HPSE2: variants seen among roughly 807,000 people sequenced by gnomAD.
HPSE2 encodes the protein inactive heparanase-2.
In HPSE2, 38 loss-of-function variants were observed where a neutral mutation model predicts 60.5. That is an observed-to-expected ratio of 0.63 (90% CI 0.48 to 0.82). The LOEUF (loss-of-function observed/expected upper bound fraction) is 0.82, where lower values mean the gene tolerates loss of function less well. HPSE2 is among the 40% of genes least tolerant of loss of function. The pLI is 0.00. For synonymous variants in HPSE2, 295 were observed against 293.2 expected (o/e 1.01, Z -0.06); for missense variants, 713 against 740.4 (o/e 0.96, Z 0.43).
In HPSE2 at chr10:98,593,358, C is replaced by A. The variant is rs112497474; in HGVS notation, c.1320+21546G>T. 4.3e-3 allele frequency among the ~76,000 whole-genome samples: 656 copies of A among 152,078 alleles called. 3 individuals carry two copies. Among genetic ancestry groups the A allele is most frequent in the African/African-American group, 0.015 (632 of 41,488 alleles). On this transcript the variant is annotated intron_variant, in intron 9 of 11. Transcript: ENST00000370552. ...GGACTGGCTCATTGGAATAAGATTC[C>A]AAAGGCAGCGAAAATCCAGATTATG...
chr10:98,923,910 T>C (rs901698544), intron 3 of HPSE2, among the ~76,000 whole-genome samples: 3 of 152,190 alleles, frequency 2.0e-5, no homozygotes, highest in Non-Finnish European at 2.9e-5. Context: ...CCCTGGTACC[T>C]CATTTAGTTC....
At chr10:99,094,568 T>C (rs1843652866) in intron 3 of HPSE2, among the ~76,000 whole-genome samples, 1 of 81,044 alleles carries the variant, frequency 1.2e-5, no homozygotes, top group African/African-American at 3.7e-5. Flanking sequence ...TTTTTTTTTT[T>C]TTTTCTGAGA....
At chr10:99,078,561 T>A (rs746653728) in intron 3 of HPSE2, among the ~76,000 whole-genome samples, 58 of 152,172 alleles carry the variant, frequency 3.8e-4, no homozygotes, top group Non-Finnish European at 7.8e-4. Context: ...TAAACATGCA[T>A]ATATTGCATG....
chr10:99,278,407 G>GGAA, the HPSE2 span, among the ~76,000 whole-genome samples: 4 of 151,906 alleles, frequency 2.6e-5, no homozygotes, highest in Non-Finnish European at 4.4e-5. Flanking sequence ...CCCTATCATT[G>GGAA]GCATGCAGCT....
chr10:98,731,232 T>C (rs1949219909), intron 4 of HPSE2, among the ~76,000 whole-genome samples: 1 of 152,152 alleles, frequency 6.6e-6, no homozygotes, highest in African/African-American at 2.4e-5. Flanking sequence ...TGAGCCGAGA[T>C]TGTGCCACTG....
intron 3 of HPSE2, among the ~76,000 whole-genome samples, chr10:98,948,016 A>T (rs1203326134): frequency 6.6e-6 from 1 of 152,158 alleles, no homozygotes; most frequent in Admixed American, 6.6e-5. Context: ...CACTCCCTAG[A>T]TCAAGGGGTC....
chr10:98,598,900 C>T (rs1945321629), intron 9 of HPSE2, among the ~76,000 whole-genome samples: 1 of 152,024 alleles, frequency 6.6e-6, no homozygotes, highest in African/African-American at 2.4e-5. Flanking sequence ...TGGCCTGAAG[C>T]CTGGGTCCAC....
At chr10:99,228,041 A>G (rs1354201903) in intron 2 of HPSE2, among the ~76,000 whole-genome samples, 1 of 152,010 alleles carries the variant, frequency 6.6e-6, no homozygotes, top group Non-Finnish European at 1.5e-5. Context: ...GTTTTGTGCA[A>G]ATAAGGAACA....
rs548971021 is a variant in HPSE2, at chr10:99,163,560, T to C, written c.449-19161A>G. On this transcript the variant is annotated intron_variant, in intron 2 of 11. Transcript: ENST00000370552. Reference sequence around the variant, plus strand: ...TACATTGGTTTATATTTTTATTGCATTTTATACAACCAAGGGAAATTATCA... The same window carrying C: ...TACATTGGTTTATATTTTTATTGCACTTTATACAACCAAGGGAAATTATCA... 3.3e-5 allele frequency among the ~76,000 whole-genome samples: 5 copies of C among 152,320 alleles called. No individual in the cohort carries two copies. In the South Asian group the frequency reaches 1.0e-3, roughly 32 times the overall value.
At chr10:98,564,514 T>C (rs1231143025) in intron 9 of HPSE2, among the ~76,000 whole-genome samples, 1 of 152,234 alleles carries the variant, frequency 6.6e-6, no homozygotes, top group African/African-American at 2.4e-5. Context: ...ACTTACAGTA[T>C]TTCTTGTATA....
chr10:98,562,965 C>T (rs955084994), intron 9 of HPSE2, among the ~76,000 whole-genome samples: 3 of 151,938 alleles, frequency 2.0e-5, no homozygotes, highest in Admixed American at 2.0e-4. Flanking sequence ...TCCTGGGGCT[C>T]TGGCTTAAAA....
At position 98,587,276 on chromosome 10, in the gene HPSE2, A is replaced by G. The variant is rs569472860; in HGVS notation, c.1320+27628T>C. The stretch of plus-strand genomic sequence containing the variant: ...TTCAAAGGCAAAGCCTCTTCTCAGC[A>G]GAGCAGAGCAAAGCACACGCTGATT... On this transcript the variant is annotated intron_variant, in intron 9 of 11. Coordinates refer to ENST00000370552, the MANE Select transcript of HPSE2 (RefSeq NM_021828.5). 4.6e-5 allele frequency among the ~76,000 whole-genome samples: 7 copies of G among 152,314 alleles called. No homozygotes were observed. The South Asian group carries it at 1.5e-3, about 32-fold the overall frequency.
chr10:99,021,116 C>T (rs576995608), intron 3 of HPSE2, among the ~76,000 whole-genome samples: 5 of 152,308 alleles, frequency 3.3e-5, no homozygotes, highest in African/African-American at 1.2e-4. Flanking sequence ...ACACACCTGT[C>T]TCCATAGGAG....
intron 5 of HPSE2, among the ~76,000 whole-genome samples, chr10:98,711,379 T>C (rs1046497963): frequency 3.9e-5 from 6 of 152,156 alleles, no homozygotes; most frequent in Admixed American, 6.6e-5. Context: ...AGTGTGAACA[T>C]TGAGGAACTG....
At chr10:99,025,154 C>T (rs1048416122) in intron 3 of HPSE2, among the ~76,000 whole-genome samples, 39 of 151,976 alleles carry the variant, frequency 2.6e-4, no homozygotes, top group Admixed American at 2.4e-3. Flanking sequence ...ATAGAAACAA[C>T]AAAAAGCTAA....
At chr10:99,095,768 C>G (rs1188922372) in intron 3 of HPSE2, among the ~76,000 whole-genome samples, 6 of 152,118 alleles carry the variant, frequency 3.9e-5, no homozygotes, top group Admixed American at 1.3e-4. Flanking sequence ...ATGGATATAT[C>G]ACATTTTGTT....
chr10:98,501,496 G>T (rs1942027515), intron 9 of HPSE2, among the ~76,000 whole-genome samples: 1 of 152,112 alleles, frequency 6.6e-6, no homozygotes, highest in South Asian at 2.1e-4. Context: ...ACAAAATCCA[G>T]CATCTCTTTA....
At chr10:98,471,272 A>G (rs1319532400) in intron 11 of HPSE2, among the ~76,000 whole-genome samples, 1 of 152,156 alleles carries the variant, frequency 6.6e-6, no homozygotes, top group East Asian at 1.9e-4. Context: ...TCACCTGGGG[A>G]GCTTTAACAA....
At chr10:98,638,431 C>T (rs537845167) in intron 7 of HPSE2, among the ~76,000 whole-genome samples, 13 of 152,128 alleles carry the variant, frequency 8.5e-5, no homozygotes, top group East Asian at 3.9e-4. Flanking sequence ...GGTGACAGAG[C>T]GAGACTCTGT....
Sources: gnomAD v4.1 joint callset for allele counts (sites outside exome capture counted in the v4.1 genomes callset) on GRCh38, gnomAD v4.1.1 for gene constraint, MANE v1.5 for transcripts, NCBI Gene and HGNC (gene_info 2026-07-23, HGNC 2026-07-21) for gene names.